The following ADGRL3 variants were observed in gnomAD, a reference collection of about 807,000 sequenced individuals.
The protein encoded by ADGRL3 is adhesion G protein-coupled receptor L3, also known as calcium-independent alpha-latrotoxin receptor 3.
A neutral mutation model predicts 153.5 loss-of-function variants in ADGRL3; 62 were observed. The observed-to-expected ratio is 0.40, with a 90% CI of 0.33 to 0.50. The LOEUF is 0.50. Among genes scored for constraint, ADGRL3 ranks in the 20% least tolerant of loss-of-function variants. The pLI is 0.47. For synonymous variants in ADGRL3, 710 were observed against 672.5 expected, an observed-to-expected ratio of 1.06 and a Z score of -0.86; for missense variants, 1,641 against 1,859.4, an observed-to-expected ratio of 0.88 and a Z score of 2.16.
intron 8 of ADGRL3, among the ~76,000 whole-genome samples, chr4:61,793,762 AT>A (rs1194525107): frequency 6.6e-6 from 1 of 152,180 alleles, no homozygotes; most frequent in African/African-American, 2.4e-5. Flanking sequence ...AGTATAGTTT[AT>A]TTTTTAAATC....
At chr4:61,823,761 C>T (rs920859105) in intron 9 of ADGRL3, among the ~76,000 whole-genome samples, 1 of 152,124 alleles carries the variant, frequency 6.6e-6, no homozygotes, top group African/African-American at 2.4e-5. Flanking sequence ...GTCCTATACA[C>T]TGTACTAAGT....
rs1425255521 is a variant in ADGRL3, at chr4:61,587,233, G to A, written c.266G>A (p.Ser89Asn). Residue 89 changes from serine to asparagine, a missense_variant, in exon 5 of 27, where the codon AGC becomes AAC. Physicochemically the swap from Ser to Asn is conservative, Grantham distance 46 (BLOSUM62 1). Around this residue, in one of 5 missense-constraint regions of ADGRL3, gnomAD observed 145 missense variants for 79.1 expected, o/e 1.83. Transcript: ENST00000683033. ...TTCCTCTTCCTTTTGGCAGCTTTCA[G>A]CCGTGCCCCAATTCCAATGGCTGTG... is the stretch of plus-strand genomic sequence containing the variant. The part of the protein sequence containing the change: ...QGAQIAAQAF[S>N]RAPIPMAVVR... 6.2e-7 allele frequency: 1 copy of A among 1,602,666 alleles called. No individual in the cohort carries two copies.
intron 6 of ADGRL3, among the ~76,000 whole-genome samples, chr4:61,714,663 A>C (rs2096071807): frequency 6.6e-6 from 1 of 152,164 alleles, no homozygotes; most frequent in South Asian, 2.1e-4. Context: ...GGAGGAGCTC[A>C]TGCAGATTTT....
intron 25 of ADGRL3, among the ~76,000 whole-genome samples, chr4:62,066,625 G>C (rs80129521): frequency 0.014 from 2,183 of 152,090 alleles, 24 homozygotes; most frequent in South Asian, 0.041. Context: ...ATTTAGAGAG[G>C]AAGTCATGAT....
At chr4:61,415,465 A>G (rs913719921) in intron 2 of ADGRL3, among the ~76,000 whole-genome samples, 2 of 152,070 alleles carry the variant, frequency 1.3e-5, no homozygotes, top group African/African-American at 4.8e-5. Context: ...GTCATGGAAA[A>G]TTCTAAACTA....
chr4:61,411,473 T>C (rs911589036), intron 2 of ADGRL3, among the ~76,000 whole-genome samples: 5 of 152,182 alleles, frequency 3.3e-5, no homozygotes, highest in Non-Finnish European at 7.4e-5. Flanking sequence ...TCCATAGATA[T>C]TATTTTGTAA....
chr4:61,631,986 CTTAT>C (rs2093196817), intron 5 of ADGRL3, among the ~76,000 whole-genome samples: 1 of 151,916 alleles, frequency 6.6e-6, no homozygotes, highest in Non-Finnish European at 1.5e-5. Flanking sequence ...AAAGTAAACT[CTTAT>C]TTATGTGCCT....
Position 62,044,486 on chromosome 4 carries a change from C to A in ADGRL3, c.3751C>A (p.Arg1251=), listed in dbSNP as rs775414286. 1.3e-6 allele frequency: 2 copies of A among 1,597,436 alleles called. No individual in the cohort carries two copies. Among genetic ancestry groups the A allele is most frequent in the Non-Finnish European group, 1.7e-6 (2 of 1,171,524 alleles). ...CCGTAGAATGTGGAATGACACGGTT[C>A]GAAAGCAGTCAGAGTCTTCCTTTAT... ...RIRRMWNDTV[R]KQSESSFITG... The change falls in exon 25 of 27, where the codon CGA becomes AGA. Residue 1251 remains arginine (R), a synonymous_variant. Coordinates refer to ENST00000683033, the MANE Select transcript of ADGRL3 (RefSeq NM_001387552.1).
chr4:61,678,917 A>G (rs2095273114), intron 6 of ADGRL3, among the ~76,000 whole-genome samples: 1 of 152,138 alleles, frequency 6.6e-6, no homozygotes, highest in Non-Finnish European at 1.5e-5. Context: ...AGTATAAATC[A>G]TAAAATAAAC....
intron 9 of ADGRL3, among the ~76,000 whole-genome samples, chr4:61,866,290 A>G (rs1435145973): frequency 6.6e-6 from 1 of 152,202 alleles, no homozygotes; most frequent in Non-Finnish European, 1.5e-5. Flanking sequence ...AGGGGAAAGC[A>G]TCAAATCAAC....
chr4:61,414,351 G>A (rs2097123643), intron 2 of ADGRL3, among the ~76,000 whole-genome samples: 1 of 152,120 alleles, frequency 6.6e-6, no homozygotes, highest in East Asian at 1.9e-4. Flanking sequence ...ATGTGATTTA[G>A]AGAAAAATTT....
At chr4:62,022,023 GC>G (rs1307720787) in intron 21 of ADGRL3, among the ~76,000 whole-genome samples, 4 of 152,206 alleles carry the variant, frequency 2.6e-5, no homozygotes, top group African/African-American at 9.6e-5. Flanking sequence ...AGTGAGGAAG[GC>G]ATGTCGAAAG....
rs113082364 is a variant in ADGRL3 at position 61,857,745 on chromosome 4, T to G, written c.1481-34911T>G. On this transcript the variant is annotated intron_variant, in intron 9 of 26. Transcript: ENST00000683033. The stretch of plus-strand genomic sequence containing the variant: ...TTTCTTCTCTCTTTCTTTCTTTTTT[T>G]GCAGTCAAAATCTTGCTGTGTCACC... 3.1e-3 allele frequency among the ~76,000 whole-genome samples: 479 copies of G among 152,102 alleles called. 3 individuals are homozygous for G. The highest frequency in any genetic ancestry group is 4.7e-3 in the Non-Finnish European group (321 of 68,004).
rs148209261 is a variant in ADGRL3, at chr4:61,743,784, C to T, written c.1399+10230C>T. ...GCTCTACAGCTCCCAGCGTGAGTGA[C>T]GCAGAAAACGGGTGATTTCTGCATT... On this transcript the variant is annotated intron_variant, in intron 8 of 26. Transcript: ENST00000683033. Among the ~76,000 whole-genome samples the T allele has an allele frequency of 6.8e-4, 104 of 152,284 alleles. No individual in the cohort carries two copies. The Middle Eastern group carries it at 0.01, about 15-fold the overall frequency.
chr4:61,453,571 G>A (rs1052796225), intron 2 of ADGRL3, among the ~76,000 whole-genome samples: 5 of 151,884 alleles, frequency 3.3e-5, no homozygotes, highest in African/African-American at 1.2e-4. Flanking sequence ...AACAATCACT[G>A]TAGTCCACAG....
intron 1 of ADGRL3, among the ~76,000 whole-genome samples, chr4:61,350,244 G>A (rs1275776150): frequency 1.3e-5 from 2 of 151,242 alleles, no homozygotes; most frequent in East Asian, 1.9e-4. Context: ...AGTCATTATT[G>A]TCCATTTTGG....
chr4:61,543,823 T>C (rs1233742994), intron 4 of ADGRL3, among the ~76,000 whole-genome samples: 2 of 152,228 alleles, frequency 1.3e-5, no homozygotes, highest in Non-Finnish European at 2.9e-5. Flanking sequence ...ACTGCATCTG[T>C]ATTGCTATAA....
intron 2 of ADGRL3, among the ~76,000 whole-genome samples, chr4:61,448,828 A>AAGGG (rs2097631227): frequency 2.4e-5 from 1 of 41,630 alleles, no homozygotes; most frequent in African/African-American, 6.2e-5. Context: ...AGGAAGGAAG[A>AAGGG]AGGGAGGGAG....
At chr4:61,812,465 TC>T (rs1446584186) in intron 8 of ADGRL3, among the ~76,000 whole-genome samples, 1 of 152,232 alleles carries the variant, frequency 6.6e-6, no homozygotes, top group African/African-American at 2.4e-5. Context: ...GTTATCATAA[TC>T]TATGTATCAT....
Sources: allele counts gnomAD v4.1 joint callset (sites outside exome capture counted in the v4.1 genomes callset), GRCh38; gene constraint gnomAD v4.1.1; regional missense constraint gnomAD v4.1.1; transcripts MANE v1.5; gene names NCBI Gene and HGNC (gene_info 2026-07-23, HGNC 2026-07-21).